GRXCR1: variants seen among roughly 807,000 people sequenced by gnomAD.
GRXCR1 encodes the protein glutaredoxin domain-containing cysteine-rich protein 1.
A neutral mutation model predicts 27.3 loss-of-function variants in GRXCR1; 27 were observed. The observed-to-expected ratio is 0.99, with a 90% CI of 0.73 to 1.37. The LOEUF (loss-of-function observed/expected upper bound fraction) is 1.37. GRXCR1 is among the 40% of genes most tolerant of loss of function. The pLI, the probability that GRXCR1 is intolerant of heterozygous loss-of-function variation, is 0.00. For missense variants in GRXCR1, 379 were observed against 354.4 expected (o/e 1.07, Z -0.56); for synonymous variants, 122 against 131.1 (o/e 0.93, Z 0.47).
At chr4:42,990,173 CTTTTTTTTTTTTTTTTTTTTTTTTTT>C (rs745784596) in intron 2 of GRXCR1, among the ~76,000 whole-genome samples, 1 of 46,200 alleles carries the variant, frequency 2.2e-5, no homozygotes, top group Non-Finnish European at 3.8e-5. Flanking sequence ...ATTATTAGTT[CTTTTTTTTTTTTTTTTTTTTTTTTTT>C]TTTTTTTTTT....
At chr4:42,942,371 G>A (rs2109763560) in intron 1 of GRXCR1, among the ~76,000 whole-genome samples, 1 of 152,124 alleles carries the variant, frequency 6.6e-6, no homozygotes, top group Middle Eastern at 3.4e-3. Flanking sequence ...ATAAGGCACA[G>A]TAGTTACCTG....
intron 2 of GRXCR1, among the ~76,000 whole-genome samples, chr4:42,997,559 C>T (rs1375805365): frequency 6.6e-6 from 1 of 152,208 alleles, no homozygotes; most frequent in Non-Finnish European, 1.5e-5. Context: ...AAAGGACTTG[C>T]TCAAGAACGA....
chr4:42,896,235 C>T (rs1033356660), intron 1 of GRXCR1, among the ~76,000 whole-genome samples: 1 of 152,090 alleles, frequency 6.6e-6, no homozygotes, highest in Non-Finnish European at 1.5e-5. Context: ...TTCAACTGCA[C>T]AGAAAAAAGT....
rs75126753 is a variant in GRXCR1 at position 42,936,996 on chromosome 4, A to G, written c.385-25896A>G. On this transcript the variant is annotated intron_variant, in intron 1 of 3. Coordinates refer to ENST00000399770, the MANE Select transcript of GRXCR1 (RefSeq NM_001080476.3). The stretch of plus-strand genomic sequence containing the variant: ...ACTTTCCACACTGTACTCTTTGGAA[A>G]GAAGTCATTCAGCTCACATTTACCA... Among the ~76,000 whole-genome samples, 1,224 of 151,958 alleles carry G rather than the reference A, an allele frequency of 8.1e-3. 9 individuals are homozygous for G. Among genetic ancestry groups the G allele is most frequent in the African/African-American group, 0.028 (1,159 of 41,500 alleles).
intron 1 of GRXCR1, among the ~76,000 whole-genome samples, chr4:42,901,124 G>T (rs917900564): frequency 2.0e-5 from 3 of 152,066 alleles, no homozygotes; most frequent in Non-Finnish European, 2.9e-5. Context: ...TCAAGAACAT[G>T]GTCATTGGCA....
At chr4:42,901,742 A>G (rs1170290630) in intron 1 of GRXCR1, among the ~76,000 whole-genome samples, 1 of 152,192 alleles carries the variant, frequency 6.6e-6, no homozygotes, top group Non-Finnish European at 1.5e-5. Context: ...GTTGTAGACT[A>G]AATCATTGGC....
At chr4:42,906,506 G>A (rs1746596113) in intron 1 of GRXCR1, among the ~76,000 whole-genome samples, 1 of 152,102 alleles carries the variant, frequency 6.6e-6, no homozygotes, top group African/African-American at 2.4e-5. Flanking sequence ...CACCTCAGGG[G>A]CTCCACAGTT....
intron 3 of GRXCR1, among the ~76,000 whole-genome samples, chr4:43,026,660 C>G (rs1713267186): frequency 6.6e-6 from 1 of 152,162 alleles, no homozygotes; most frequent in South Asian, 2.1e-4. Context: ...AAACTACTAT[C>G]ATAGAGGGAA....
At chr4:43,006,291 A>G (rs186682504) in intron 2 of GRXCR1, among the ~76,000 whole-genome samples, 176 of 152,312 alleles carry the variant, frequency 1.2e-3, no homozygotes, top group African/African-American at 4.1e-3. Flanking sequence ...GATAAGAGCA[A>G]TTGTTCAGGG....
At chr4:42,946,287 A>C (rs549528641) in intron 1 of GRXCR1, among the ~76,000 whole-genome samples, 167 of 152,274 alleles carry the variant, frequency 1.1e-3, no homozygotes, top group African/African-American at 3.8e-3. Context: ...CTTAAGTGAC[A>C]ATTATTTGAT....
chr4:42,919,478 A>G (rs751415616), intron 1 of GRXCR1, among the ~76,000 whole-genome samples: 5 of 152,156 alleles, frequency 3.3e-5, no homozygotes, highest in Non-Finnish European at 5.9e-5. Flanking sequence ...ACATTTTATA[A>G]TGATACGCTA....
At chr4:42,931,788 T>A (rs1229436730) in intron 1 of GRXCR1, among the ~76,000 whole-genome samples, 2 of 151,932 alleles carry the variant, frequency 1.3e-5, no homozygotes, top group African/African-American at 2.4e-5. Context: ...TACCTTGTTA[T>A]CAACTATAGT....
intron 2 of GRXCR1, among the ~76,000 whole-genome samples, chr4:43,008,629 CATT>C: frequency 6.6e-6 from 1 of 152,144 alleles, no homozygotes; most frequent in East Asian, 1.9e-4. Flanking sequence ...TGTGGTTTGA[CATT>C]ATTAGTATCA....
intron 1 of GRXCR1, among the ~76,000 whole-genome samples, chr4:42,950,026 G>A (rs966912627): frequency 6.6e-6 from 1 of 152,166 alleles, no homozygotes; most frequent in Admixed American, 6.5e-5. Flanking sequence ...CACAGAAAGG[G>A]ATTGGCTGCA....
chr4:42,974,132 GA>G (rs1457784867), intron 2 of GRXCR1, among the ~76,000 whole-genome samples: 3 of 152,072 alleles, frequency 2.0e-5, no homozygotes, highest in African/African-American at 7.2e-5. Flanking sequence ...ATGAGGGGAT[GA>G]AAAAAGACTC....
intron 2 of GRXCR1, among the ~76,000 whole-genome samples, chr4:42,988,457 A>C (rs577702939): frequency 6.6e-6 from 1 of 152,322 alleles, no homozygotes; most frequent in Non-Finnish European, 1.5e-5. Flanking sequence ...AATTATTCAC[A>C]AAAAATAACC....
At chr4:42,922,098 C>T (rs1747025544) in intron 1 of GRXCR1, among the ~76,000 whole-genome samples, 2 of 152,072 alleles carry the variant, frequency 1.3e-5, no homozygotes, top group Non-Finnish European at 2.9e-5. Context: ...AGTTATAGAT[C>T]AAGGTAACAA....
intron 2 of GRXCR1, among the ~76,000 whole-genome samples, chr4:42,989,067 C>T (rs955726920): frequency 6.6e-6 from 1 of 152,180 alleles, no homozygotes; most frequent in Non-Finnish European, 1.5e-5. Flanking sequence ...GCCTCCAGAG[C>T]TAGACTGTGG....
At chr4:42,905,305 T>C (rs756073873) in intron 1 of GRXCR1, among the ~76,000 whole-genome samples, 49 of 152,224 alleles carry the variant, frequency 3.2e-4, no homozygotes, top group Non-Finnish European at 6.6e-4. Flanking sequence ...TGGTAACACC[T>C]GTCATCCTGA....
Sources: gnomAD v4.1 joint callset for allele counts (sites outside exome capture counted in the v4.1 genomes callset) on GRCh38, gnomAD v4.1.1 for gene constraint, MANE v1.5 for transcripts, NCBI Gene and HGNC (gene_info 2026-07-23, HGNC 2026-07-21) for gene names.